Variants in DOK6 observed in about 807,000 individuals in gnomAD.
DOK6 encodes docking protein 6.
DOK6 carries 22 observed loss-of-function variants against 44.0 expected under a neutral mutation model. The observed-to-expected ratio is 0.50, with a 90% CI of 0.36 to 0.71. The LOEUF (loss-of-function observed/expected upper bound fraction) is 0.71, where lower values mean the gene tolerates loss of function less well. Among genes scored for constraint, DOK6 ranks in the 30% least tolerant of loss-of-function variants. The pLI, the probability that DOK6 is intolerant of heterozygous loss-of-function variation, is 0.00. For synonymous variants in DOK6, 166 were observed against 145.5 expected, an observed-to-expected ratio of 1.14 and a Z score of -1.01; for missense variants, 340 against 416.4, an observed-to-expected ratio of 0.82 and a Z score of 1.60.
chr18:69,821,554 G>A (rs543798594), intron 7 of DOK6, among the ~76,000 whole-genome samples: 9 of 152,090 alleles, frequency 5.9e-5, no homozygotes, highest in South Asian at 4.2e-4. Context: ...CAGTAGTCTC[G>A]TAGAGCAATT....
At chr18:69,628,852 A>G (rs1247120338) in intron 3 of DOK6, among the ~76,000 whole-genome samples, 1 of 152,180 alleles carries the variant, frequency 6.6e-6, no homozygotes, top group Admixed American at 6.5e-5. Flanking sequence ...AGGCTTGTTG[A>G]TGGATTGGAG....
intron 3 of DOK6, among the ~76,000 whole-genome samples, chr18:69,633,202 A>G (rs1984728588): frequency 6.6e-6 from 1 of 152,222 alleles, no homozygotes; most frequent in Non-Finnish European, 1.5e-5. Context: ...AGTATATTCT[A>G]CTTGTCAGTA....
chr18:69,444,272 A>G (rs1287484505), intron 1 of DOK6, among the ~76,000 whole-genome samples: 3 of 152,184 alleles, frequency 2.0e-5, no homozygotes, highest in East Asian at 3.9e-4. Flanking sequence ...TTCACTTGCA[A>G]TGTAGCTAAA....
intron 1 of DOK6, among the ~76,000 whole-genome samples, chr18:69,413,824 G>A: frequency 6.6e-6 from 1 of 151,766 alleles, no homozygotes; most frequent in South Asian, 2.1e-4. Context: ...TTTACTGGCA[G>A]AAAATACTTA....
At chr18:69,741,150 C>T (rs1978786561) in intron 6 of DOK6, among the ~76,000 whole-genome samples, 1 of 152,100 alleles carries the variant, frequency 6.6e-6, no homozygotes, top group Non-Finnish European at 1.5e-5. Flanking sequence ...AGGGAGAGCG[C>T]AACAAATGTT....
intron 3 of DOK6, among the ~76,000 whole-genome samples, chr18:69,644,548 CA>C (rs950951175): frequency 2.0e-5 from 3 of 152,070 alleles, no homozygotes. Context: ...ACACATTTGT[CA>C]AAAATCATTA....
At chr18:69,587,761 G>A (rs918925890) in intron 2 of DOK6, among the ~76,000 whole-genome samples, 5 of 54,284 alleles carry the variant, frequency 9.2e-5, no homozygotes, top group Non-Finnish European at 1.6e-4. Flanking sequence ...GTTATTAGAT[G>A]TAAATTTAAA....
chr18:69,824,403 G>A (rs1981680879), intron 7 of DOK6, among the ~76,000 whole-genome samples: 2 of 151,668 alleles, frequency 1.3e-5, no homozygotes, highest in Non-Finnish European at 2.9e-5. Flanking sequence ...GAGTGCAGTG[G>A]TGTCTCAGCT....
intron 1 of DOK6, among the ~76,000 whole-genome samples, chr18:69,506,141 C>T (rs987463665): frequency 2.6e-5 from 4 of 151,994 alleles, no homozygotes; most frequent in African/African-American, 9.7e-5. Flanking sequence ...CATTTATTTT[C>T]TCCAATTTAT....
intron 7 of DOK6, 78 bp from the exon 8 acceptor site, chr18:69,841,166 A>C: frequency 6.4e-7 from 1 of 1,554,080 alleles, no homozygotes; most frequent in Admixed American, 1.7e-5. Flanking sequence ...TAGATAGATA[A>C]TAGATAGATG....
chr18:69,511,795 C>G (rs959572592), intron 1 of DOK6, among the ~76,000 whole-genome samples: 1 of 152,172 alleles, frequency 6.6e-6, no homozygotes, highest in Non-Finnish European at 1.5e-5. Flanking sequence ...ACCATTGAAA[C>G]CATAGTTCTT....
intron 5 of DOK6, among the ~76,000 whole-genome samples, chr18:69,717,103 T>C (rs138003171): frequency 9.1e-4 from 139 of 152,366 alleles, no homozygotes; most frequent in African/African-American, 3.3e-3. Flanking sequence ...GATTGCTTTA[T>C]ATAAACTTGT....
intron 1 of DOK6, among the ~76,000 whole-genome samples, chr18:69,490,675 C>A (rs1464314975): frequency 6.6e-6 from 1 of 152,018 alleles, no homozygotes; most frequent in Non-Finnish European, 1.5e-5. Flanking sequence ...ATTTGAATTA[C>A]CTCCATTATG....
chr18:69,699,983 A>G (rs1201778804), intron 5 of DOK6, among the ~76,000 whole-genome samples: 1 of 152,100 alleles, frequency 6.6e-6, no homozygotes, highest in Non-Finnish European at 1.5e-5. Context: ...ACATGGCAGC[A>G]GACGAGAGAA....
chr18:69,605,076 T>TTGTGTG (rs71176987), intron 3 of DOK6, among the ~76,000 whole-genome samples: 6,115 of 125,702 alleles, frequency 0.049, 172 homozygotes, highest in South Asian at 0.087. Flanking sequence ...AGAGATCCCT[T>TTGTGTG]TGTGTGTGTG....
At chr18:69,717,125 T>C (rs1178440239) in intron 5 of DOK6, among the ~76,000 whole-genome samples, 4 of 152,232 alleles carry the variant, frequency 2.6e-5, no homozygotes, top group African/African-American at 9.6e-5. Context: ...AATTCTGGTC[T>C]AAAGAATAAT....
intron 3 of DOK6, among the ~76,000 whole-genome samples, chr18:69,667,596 A>C (rs1305571290): frequency 6.6e-6 from 1 of 152,136 alleles, no homozygotes; most frequent in Non-Finnish European, 1.5e-5. Flanking sequence ...ACTTCATTTG[A>C]CTTGAGCTTT....
chr18:69,433,905 AC>A (rs2122428470), intron 1 of DOK6, among the ~76,000 whole-genome samples: 1 of 152,330 alleles, frequency 6.6e-6, no homozygotes, highest in East Asian at 1.9e-4. Flanking sequence ...TTTTCTATAT[AC>A]TATATAAAGT....
intron 5 of DOK6, among the ~76,000 whole-genome samples, chr18:69,727,177 G>A (rs1202669447): frequency 6.6e-6 from 1 of 152,046 alleles, no homozygotes; most frequent in East Asian, 1.9e-4. Context: ...TTTTATAAGG[G>A]CACTAATCCC....
Sources: gnomAD v4.1 joint callset for allele counts (sites outside exome capture counted in the v4.1 genomes callset) on GRCh38, gnomAD v4.1.1 for gene constraint, MANE v1.5 for transcripts, NCBI Gene and HGNC (gene_info 2026-07-23, HGNC 2026-07-21) for gene names.